TNRC6A: variants seen among roughly 807,000 people sequenced by gnomAD.
The protein encoded by TNRC6A is trinucleotide repeat containing adaptor 6A.
In TNRC6A, 44 loss-of-function variants were observed where a neutral mutation model predicts 221.2. That is an observed-to-expected ratio of 0.20 (90% confidence interval 0.16 to 0.26). TNRC6A has a LOEUF of 0.26. Among genes scored for constraint, TNRC6A ranks in the 10% least tolerant of loss-of-function variants. TNRC6A has a pLI of 1.00. For missense variants in TNRC6A, 2,199 were observed against 2,404.4 expected (o/e 0.91, Z 1.79); for synonymous variants, 847 against 838.5 (o/e 1.01, Z -0.18).
intron 1 of TNRC6A, among the ~76,000 whole-genome samples, chr16:24,618,231 T>C (rs1900476725): frequency 6.6e-6 from 1 of 152,176 alleles, no homozygotes; most frequent in Non-Finnish European, 1.5e-5. Flanking sequence ...CATGCTTTTT[T>C]CAAGGCTGTG....
chr16:24,819,998 G>A, intron 21 of TNRC6A, 141 bp from the exon 22 acceptor site: 1 of 733,452 alleles, frequency 1.4e-6, no homozygotes, highest in Non-Finnish European at 2.2e-6. Context: ...TTTCTTTTTT[G>A]GCAGTTTAGT....
chr16:24,670,831 T>A (rs2055282095), intron 2 of TNRC6A: 1 of 206,396 alleles, frequency 4.8e-6, no homozygotes, highest in South Asian at 5.2e-5. Flanking sequence ...GGGTGGACCC[T>A]TGGGGAACAA....
chr16:24,659,800 T>G (rs949012763), intron 2 of TNRC6A, among the ~76,000 whole-genome samples: 16 of 152,210 alleles, frequency 1.1e-4, no homozygotes, highest in African/African-American at 3.9e-4. Context: ...ATTTTGAATT[T>G]TGTTAAGATT....
intron 1 of TNRC6A, among the ~76,000 whole-genome samples, chr16:24,623,614 G>A (rs1437458276): frequency 6.6e-6 from 1 of 151,982 alleles, no homozygotes; most frequent in East Asian, 1.9e-4. Flanking sequence ...AGAATTTCAA[G>A]GCTGGACATG....
chr16:24,742,919 A>G (rs1230557829), intron 2 of TNRC6A, among the ~76,000 whole-genome samples: 2 of 152,190 alleles, frequency 1.3e-5, no homozygotes, highest in Non-Finnish European at 2.9e-5. Flanking sequence ...TGACAGAGCG[A>G]GATGCTGTCT....
rs71156436 is a variant in TNRC6A, at chr16:24,777,101, A to AGCAGCCACAGCC, written c.339_350dup (p.Pro115_Gln118dup). ...CAGCCGCAGCAGCAGCAGCCACAGC[A>AGCAGCCACAGCC]GCAGCCACAGCCGCAGCCGCAGCAG... On this transcript the variant is annotated inframe_insertion, in exon 5 of 25. Transcript: ENST00000395799. 4.0e-5 allele frequency: 64 copies of AGCAGCCACAGCC among 1,611,464 alleles called. No individual in the cohort carries two copies. Among genetic ancestry groups the AGCAGCCACAGCC allele is most frequent in the Non-Finnish European group, 5.2e-5 (61 of 1,178,656 alleles).
Position 24,789,908 on chromosome 16 carries a change from C to A in TNRC6A, c.1266C>A (p.Ser422Arg). The change falls in exon 6 of 25, where the codon AGC becomes AGA. Residue 422 changes from serine to arginine, a missense_variant. Physicochemically the swap from Ser to Arg is moderately radical, Grantham distance 110 (BLOSUM62 -1). Around this residue, in one of 8 missense-constraint regions of TNRC6A, gnomAD observed 1,405 missense variants for 1,400.2 expected, o/e 1.00. Transcript: ENST00000395799. ...GTTCTACCCATGGTACCTGGGGAAG[C>A]CTTCAGGAAACTTGTGAATCTGAAG... is the stretch of plus-strand genomic sequence containing the variant. ...SGGSTHGTWG[S>R]LQETCESEVS... The A allele has an allele frequency of 2.5e-6, 4 of 1,613,672 alleles. No homozygotes were observed. The highest frequency in any genetic ancestry group is 3.4e-6 in the Non-Finnish European group (4 of 1,179,878).
chr16:24,799,568 C>T (rs771236644), intron 11 of TNRC6A, among the ~76,000 whole-genome samples: 3 of 152,248 alleles, frequency 2.0e-5, no homozygotes, highest in Middle Eastern at 3.4e-3. Context: ...AATTATAAAA[C>T]CTAACATGTA....
chr16:24,814,566 C>T (rs2058617916), intron 18 of TNRC6A, among the ~76,000 whole-genome samples: 1 of 151,684 alleles, frequency 6.6e-6, no homozygotes, highest in African/African-American at 2.4e-5. Context: ...AGGTGCGTGC[C>T]ACCATGCCCA....
chr16:24,777,585 C>T (rs149312424), intron 5 of TNRC6A, among the ~76,000 whole-genome samples: 1 of 152,162 alleles, frequency 6.6e-6, no homozygotes, highest in African/African-American at 2.4e-5. Flanking sequence ...CAGGTTCTGC[C>T]CATTTTAATA....
In TNRC6A at chr16:24,809,369, T is replaced by C. The variant is rs1447954496; in HGVS notation, c.4560T>C (p.Asn1520=). The C allele has an allele frequency of 3.3e-6, 5 of 1,537,606 alleles. No individual in the cohort carries two copies. The highest frequency in any genetic ancestry group is 1.4e-5 in the African/African-American group (1 of 73,416). The part of the protein sequence containing the change: ...NFPIGLNSNL[N]VNMDMNSIKE... ...TTTCAGGCTTGAACTCAAACTTGAATGTAAATATGGATATGAACAGTATTA... is the reference window on the plus strand; with the variant it reads ...TTTCAGGCTTGAACTCAAACTTGAACGTAAATATGGATATGAACAGTATTA... The change falls in exon 18 of 25, where the codon AAT becomes AAC. Residue 1520 remains asparagine (N), a synonymous_variant. Transcript: ENST00000395799.
At position 24,823,065 on chromosome 16, in the gene TNRC6A, A is replaced by G. The variant is rs367641636; in HGVS notation, c.5513+52A>G. ...GGAAGAGTCTAGGGGAAGGAGTGTG[A>G]GAGCACAGCCTGACCCGGGGCAGTG... On this transcript the variant is annotated intron_variant, in intron 24 of 24. Transcript: ENST00000395799. The surrounding 1 kb of genome is among the most constrained non-coding windows in gnomAD (Gnocchi z 4.3). 22 of 1,612,236 alleles carry G rather than the reference A, an allele frequency of 1.4e-5. No homozygotes were observed. The African/African-American group carries it at 2.4e-4, about 18-fold the overall frequency.
intron 1 of TNRC6A, among the ~76,000 whole-genome samples, chr16:24,611,372 G>C (rs1311540917): frequency 6.6e-6 from 1 of 152,186 alleles, no homozygotes; most frequent in Non-Finnish European, 1.5e-5. Context: ...TGTGTTAAAG[G>C]AGATGGATAC....
chr16:24,681,490 A>G (rs1755228131), intron 2 of TNRC6A, among the ~76,000 whole-genome samples: 1 of 152,238 alleles, frequency 6.6e-6, no homozygotes, highest in African/African-American at 2.4e-5. Flanking sequence ...AGCCTCCCAG[A>G]ATGCTAGGAT....
chr16:24,805,519 C>G, intron 14 of TNRC6A, 86 bp from the exon 15 acceptor site: 1 of 1,544,024 alleles, frequency 6.5e-7, no homozygotes, highest in Non-Finnish European at 8.8e-7. Flanking sequence ...AATTTAACTG[C>G]TCTATTGACA....
At chr16:24,660,728 C>CTTTTTTTTTTTTTT (rs138458968) in intron 2 of TNRC6A, among the ~76,000 whole-genome samples, 5 of 122,548 alleles carry the variant, frequency 4.1e-5, no homozygotes, top group South Asian at 2.5e-4. Context: ...TTTCTTTTTT[C>CTTTTTTTTTTTTTT]TTTTTTTTTT....
intron 2 of TNRC6A, among the ~76,000 whole-genome samples, chr16:24,717,236 C>T (rs954562347): frequency 6.6e-6 from 1 of 152,074 alleles, no homozygotes; most frequent in African/African-American, 2.4e-5. Context: ...AGGCATGAGT[C>T]ACTGTACCTG....
intron 1 of TNRC6A, among the ~76,000 whole-genome samples, chr16:24,612,815 G>A (rs1379443372): frequency 6.6e-6 from 1 of 151,990 alleles, no homozygotes; most frequent in Non-Finnish European, 1.5e-5. Flanking sequence ...CTACATTTGT[G>A]AACGAAACAG....
At chr16:24,822,242 T>C in intron 23 of TNRC6A, 95 bp downstream of exon 23, 3 of 1,234,448 alleles carry the variant, frequency 2.4e-6, no homozygotes, top group Non-Finnish European at 3.5e-6. Flanking sequence ...TGCTAGGTGG[T>C]AGTGAAGCCG....
Sources: gnomAD v4.1 joint callset for allele counts (sites outside exome capture counted in the v4.1 genomes callset) on GRCh38, gnomAD v4.1.1 for gene constraint, gnomAD v4.1.1 regional missense constraint, Gnocchi (gnomAD v3.1) non-coding constraint, MANE v1.5 for transcripts, NCBI Gene and HGNC (gene_info 2026-07-23, HGNC 2026-07-21) for gene names.